The following MIER2 variants were observed in gnomAD, a reference collection of about 807,000 sequenced individuals.
MIER2 encodes MIER family member 2.
MIER2 carries 30 observed loss-of-function variants against 67.6 expected under a neutral mutation model. The ratio of observed to expected loss-of-function variants is 0.44; its 90% CI spans 0.33 to 0.60. MIER2 has a LOEUF of 0.60. MIER2 is among the 20% of genes least tolerant of loss of function. MIER2 has a pLI of 0.02. For missense variants in MIER2, 702 were observed against 745.1 expected, an observed-to-expected ratio of 0.94 and a Z score of 0.67; for synonymous variants, 372 against 312.6, an observed-to-expected ratio of 1.19 and a Z score of -2.00.
At chr19:332,786 C>T (rs1171274153) in intron 3 of MIER2, among the ~76,000 whole-genome samples, 1 of 64,468 alleles carries the variant, frequency 1.6e-5, no homozygotes, top group Admixed American at 2.0e-4. Flanking sequence ...ATAGATAAAG[C>T]ACATTAACAA....
intron 1 of MIER2, 75 bp from the exon 2 acceptor site, chr19:336,248 G>C (rs534017082): frequency 4.0e-6 from 5 of 1,251,238 alleles, no homozygotes; most frequent in Non-Finnish European, 4.6e-6. Context: ...TGGCAGCCAA[G>C]AGCAAGCGCT....
At chr19:335,228 GC>G (rs1180790134) in intron 2 of MIER2, among the ~76,000 whole-genome samples, 1 of 152,082 alleles carries the variant, frequency 6.6e-6, no homozygotes, top group Non-Finnish European at 1.5e-5. Context: ...AGCAGTGTAG[GC>G]CAAGGCTGGG....
chr19:310,127 C>T (rs946238862), intron 10 of MIER2, among the ~76,000 whole-genome samples: 9 of 152,226 alleles, frequency 5.9e-5, no homozygotes, highest in Non-Finnish European at 1.3e-4. Flanking sequence ...CAGAGCTGGG[C>T]GCACACCTGG....
intron 1 of MIER2, among the ~76,000 whole-genome samples, chr19:341,914 C>A (rs1368846870): frequency 6.6e-6 from 1 of 152,184 alleles, no homozygotes; most frequent in Non-Finnish European, 1.5e-5. Context: ...GTGCAGAGCA[C>A]AGACCAGCCC....
At chr19:323,534 T>C (rs969462821) in intron 7 of MIER2, among the ~76,000 whole-genome samples, 1 of 147,626 alleles carries the variant, frequency 6.8e-6, no homozygotes, top group South Asian at 2.1e-4. Context: ...ACAGACGTCA[T>C]CACAATGCAA....
At chr19:316,490 A>G (rs955675653) in intron 7 of MIER2, among the ~76,000 whole-genome samples, 3 of 152,104 alleles carry the variant, frequency 2.0e-5, no homozygotes, top group Non-Finnish European at 4.4e-5. Flanking sequence ...GGGTTTCACC[A>G]TGTTGGCCAG....
At position 326,379 on chromosome 19, in the gene MIER2, GA is replaced by G. The variant is rs535188191; in HGVS notation, c.585+127del. On this transcript the variant is annotated intron_variant, in intron 6 of 13. Transcript: ENST00000264819. ...GCCACGGCCGGGATGCCAGGTTGGGGACACGGCAGAGCCACGGCCGGGATGC... is the reference window on the plus strand; with the variant it reads ...GCCACGGCCGGGATGCCAGGTTGGGGCACGGCAGAGCCACGGCCGGGATGC... 4,664 of 781,464 alleles carry G rather than the reference GA, an allele frequency of 6.0e-3. 47 individuals carry two copies. The highest frequency in any genetic ancestry group is 7.5e-3 in the Non-Finnish European group (3,342 of 447,034). The allele number at this position is 781,464 out of a possible 1,614,324, so 48.4% of individuals were successfully genotyped here.
chr19:342,606 A>T (rs1972556795), intron 1 of MIER2, among the ~76,000 whole-genome samples: 1 of 149,056 alleles, frequency 6.7e-6, no homozygotes, highest in Admixed American at 6.8e-5. Context: ...TAAAAGATCA[A>T]TCTAGTATGC....
intron 7 of MIER2, among the ~76,000 whole-genome samples, chr19:315,949 G>C (rs1258986410): frequency 6.6e-6 from 1 of 152,232 alleles, no homozygotes; most frequent in African/African-American, 2.4e-5. Flanking sequence ...TCTTAGGAGA[G>C]AAAAGGGCAC....
intron 1 of MIER2, chr19:344,188 A>G (rs956092369): frequency 1.0e-6 from 1 of 985,216 alleles, no homozygotes; most frequent in African/African-American, 1.7e-5. Context: ...GCCCCGGCAG[A>G]CCCACCCACC....
intron 1 of MIER2, 117 bp from the exon 2 acceptor site, chr19:336,290 G>A (rs1311928846): frequency 3.7e-6 from 3 of 808,834 alleles, no homozygotes; most frequent in Non-Finnish European, 3.9e-6. Context: ...GACCAGGGAA[G>A]GGGCTTTGTC....
intron 7 of MIER2, 79 bp downstream of exon 7, chr19:325,556 T>C: frequency 1.3e-6 from 2 of 1,530,714 alleles, no homozygotes; most frequent in Non-Finnish European, 1.8e-6. Flanking sequence ...CTGACCAGAC[T>C]GTCCAAGGAT....
At chr19:329,137 T>C (rs1384878606) in intron 3 of MIER2, among the ~76,000 whole-genome samples, 1 of 152,144 alleles carries the variant, frequency 6.6e-6, no homozygotes, top group Admixed American at 6.6e-5. Flanking sequence ...TCTCTCAAGA[T>C]GTTAGCACTG....
In MIER2 at chr19:335,394, T is replaced by C. The variant is rs1972197837; in HGVS notation, c.100+689A>G. ...CCCAGCGGCAGGCACCTCGTTAGAG[T>C]GAGGGAATGACCTGGAGCTGAATGG... On this transcript the variant is annotated intron_variant, in intron 2 of 13. Coordinates refer to ENST00000264819, the MANE Select transcript of MIER2 (RefSeq NM_017550.3). Among the ~76,000 whole-genome samples, 3 of 151,816 alleles carry C rather than the reference T, an allele frequency of 2.0e-5. No homozygotes were observed. The South Asian group carries it at 6.2e-4, about 32-fold the overall frequency.
At chr19:344,272 G>A (rs1972636541) in intron 1 of MIER2, 4 of 985,092 alleles carry the variant, frequency 4.1e-6, no homozygotes, top group East Asian at 1.1e-4. Flanking sequence ...CAGCCCCGCC[G>A]GGGGGCTCGC....
At chr19:341,524 T>C (rs1972501330) in intron 1 of MIER2, among the ~76,000 whole-genome samples, 2 of 151,990 alleles carry the variant, frequency 1.3e-5, no homozygotes, top group African/African-American at 4.8e-5. Flanking sequence ...CGACTCTGAG[T>C]TCCTGGAACT....
At chr19:330,647 G>A (rs556664624) in intron 3 of MIER2, among the ~76,000 whole-genome samples, 7 of 152,132 alleles carry the variant, frequency 4.6e-5, no homozygotes, top group South Asian at 2.1e-4. Context: ...ATTTGGAGAC[G>A]GGGCATTTAC....
chr19:307,130 C>A lies in MIER2; in HGVS notation c.1605G>T (p.Glu535Asp), dbSNP rs753999896. Reference sequence around the variant, plus strand: ...GGGGTGGCACTCACTGTGACAGGGGCTCCGAGTGTAGCCCGGGGGCCGGGC... The same window carrying A: ...GGGGTGGCACTCACTGTGACAGGGGATCCGAGTGTAGCCCGGGGGCCGGGC... ...PTCPAPGLHS[E>D]PLSHCNVMTC The change falls in exon 13 of 14, where the codon GAG becomes GAT. Residue 535 changes from glutamate to aspartate, a missense_variant. Physicochemically the swap from Glu to Asp is conservative, Grantham distance 45. This residue lies in a region of MIER2 where 254 missense variants were observed against 262.8 expected (regional missense o/e 0.97). Coordinates refer to ENST00000264819, the MANE Select transcript of MIER2 (RefSeq NM_017550.3). The A allele has an allele frequency of 4.4e-6, 7 of 1,582,934 alleles. No individual in the cohort carries two copies. Among genetic ancestry groups the A allele is most frequent in the Non-Finnish European group, 6.0e-6 (7 of 1,164,824 alleles).
intron 1 of MIER2, among the ~76,000 whole-genome samples, chr19:339,270 A>G (rs1444710699): frequency 6.6e-6 from 1 of 152,210 alleles, no homozygotes; most frequent in East Asian, 1.9e-4. Context: ...GGAAGAGAGA[A>G]TCCCATTGAA....
Sources: gnomAD v4.1 joint callset for allele counts (sites outside exome capture counted in the v4.1 genomes callset) on GRCh38, gnomAD v4.1.1 for gene constraint, gnomAD v4.1.1 regional missense constraint, MANE v1.5 for transcripts, NCBI Gene and HGNC (gene_info 2026-07-23, HGNC 2026-07-21) for gene names.